The following TUFT1 variants were observed in gnomAD, a reference collection of about 807,000 sequenced individuals.
The protein encoded by TUFT1 is tuftelin.
In TUFT1, 43 loss-of-function variants were observed where a neutral mutation model predicts 57.8. The ratio of observed to expected loss-of-function variants is 0.74; its 90% CI spans 0.58 to 0.96. The LOEUF (loss-of-function observed/expected upper bound fraction) is 0.96, where lower values mean the gene tolerates loss of function less well. Ranked by LOEUF, TUFT1 falls within the 40% of genes least tolerant of loss-of-function variation. TUFT1 has a pLI of 0.00. For synonymous variants in TUFT1, 166 were observed against 176.7 expected (o/e 0.94, Z 0.48); for missense variants, 459 against 489.0 (o/e 0.94, Z 0.58).
intron 1 of TUFT1, among the ~76,000 whole-genome samples, chr1:151,554,486 G>A (rs1158370708): frequency 2.0e-5 from 3 of 152,244 alleles, no homozygotes; most frequent in African/African-American, 4.8e-5. Flanking sequence ...TGCAACCTCT[G>A]CCTCCCGGGT....
At chr1:151,570,561 C>T (rs374341561) in intron 7 of TUFT1, among the ~76,000 whole-genome samples, 2 of 151,892 alleles carry the variant, frequency 1.3e-5, no homozygotes, top group East Asian at 1.9e-4. Flanking sequence ...ATTACAGGCA[C>T]GAGCCACCAT....
chr1:151,563,366 A>G (rs973142370), intron 3 of TUFT1, among the ~76,000 whole-genome samples: 3 of 152,154 alleles, frequency 2.0e-5, no homozygotes, highest in African/African-American at 7.2e-5. Flanking sequence ...CGTAGACAAC[A>G]GTGGTCCCAT....
chr1:151,562,253 G>T, intron 2 of TUFT1, 88 bp downstream of exon 2: 2 of 1,205,496 alleles, frequency 1.7e-6, no homozygotes, highest in South Asian at 1.3e-5. Flanking sequence ...GCCTGGAGCC[G>T]ACTCTGGTGA....
intron 7 of TUFT1, among the ~76,000 whole-genome samples, chr1:151,570,192 G>A (rs1353103583): frequency 1.3e-5 from 2 of 152,188 alleles, no homozygotes; most frequent in African/African-American, 4.8e-5. Flanking sequence ...AACGTGGACT[G>A]GATGAGTGAC....
chr1:151,560,011 G>C (rs936426608), intron 1 of TUFT1, among the ~76,000 whole-genome samples: 25 of 151,426 alleles, frequency 1.7e-4, no homozygotes, highest in African/African-American at 5.8e-4. Flanking sequence ...GGCCAGGCTG[G>C]TCTCGAACTC....
chr1:151,582,295 TG>T lies in TUFT1; in HGVS notation c.*590del, dbSNP rs1666668263. 2.3e-6 allele frequency: 1 copy of T among 442,942 alleles called. No homozygotes were observed. The highest frequency in any genetic ancestry group is 4.5e-6 in the Non-Finnish European group (1 of 220,130). 27.4% of individuals were successfully genotyped at this position (442,942 alleles called of 1,614,324 possible). A position where few individuals can be genotyped will look rare whatever the true frequency, so the allele number is the denominator to read the frequency against. ...CCAGTGAACCTAAGCTTTGACTGGG[TG>T]GCCTTGTCTTTCTGGGGAGGAGGGA... On this transcript the variant is annotated 3_prime_UTR_variant, in exon 13 of 13. Coordinates refer to ENST00000368849, the MANE Select transcript of TUFT1 (RefSeq NM_020127.3).
intron 3 of TUFT1, among the ~76,000 whole-genome samples, chr1:151,563,126 C>A (rs908522676): frequency 6.6e-6 from 1 of 152,160 alleles, no homozygotes; most frequent in Non-Finnish European, 1.5e-5. Context: ...CTCGAGCAAT[C>A]GTCCTGTCTC....
At chr1:151,549,168 G>T (rs1571687606) in intron 1 of TUFT1, among the ~76,000 whole-genome samples, 1 of 152,146 alleles carries the variant, frequency 6.6e-6, no homozygotes, top group South Asian at 2.1e-4. Context: ...AGAGAAGAAG[G>T]CTCCACTTCT....
chr1:151,561,048 C>T (rs532431814), intron 1 of TUFT1, among the ~76,000 whole-genome samples: 39 of 151,194 alleles, frequency 2.6e-4, no homozygotes, highest in African/African-American at 9.3e-4. Context: ...GGCTGGAGTG[C>T]AGTGGCACAA....
In TUFT1 at chr1:151,574,363, G is replaced by C. The variant is rs766167963; in HGVS notation, c.688G>C (p.Gly230Arg). The C allele has an allele frequency of 6.2e-7, 1 of 1,614,032 alleles. No individual in the cohort carries two copies. Residue 230 changes from glycine to arginine, a missense_variant, in exon 8 of 13, where the codon GGA (glycine) becomes CGA (arginine). Transcript: ENST00000368849. ...DRVEQKEAEVGELQRRLLGME... is the reference protein window; with the variant it reads ...DRVEQKEAEVRELQRRLLGME... ...AGTGGAGCAGAAAGAGGCAGAAGTC[G>C]GAGAGCTGCAGAGGCGCTTGCTAGG...
intron 1 of TUFT1, among the ~76,000 whole-genome samples, chr1:151,548,075 AG>A (rs1374831397): frequency 1.3e-5 from 2 of 152,310 alleles, no homozygotes; most frequent in East Asian, 3.9e-4. Flanking sequence ...TACTCCACAA[AG>A]GGCCATCTCT....
intron 3 of TUFT1, among the ~76,000 whole-genome samples, chr1:151,563,666 T>C (rs1468938311): frequency 2.6e-5 from 4 of 152,238 alleles, no homozygotes; most frequent in Non-Finnish European, 4.4e-5. Flanking sequence ...TGAGTGTTTA[T>C]GCCAATACAG....
intron 11 of TUFT1, among the ~76,000 whole-genome samples, chr1:151,580,272 CAG>C (rs1666605940): frequency 6.6e-6 from 1 of 152,126 alleles, no homozygotes; most frequent in Non-Finnish European, 1.5e-5. Context: ...AGTCTATAGT[CAG>C]AGATAAAATG....
chr1:151,573,448 C>T (rs1666336311), intron 7 of TUFT1, among the ~76,000 whole-genome samples: 2 of 152,188 alleles, frequency 1.3e-5, no homozygotes, highest in Admixed American at 6.5e-5. Context: ...CTTCTATCCT[C>T]TAAATTGGTT....
At chr1:151,557,927 AG>A in intron 1 of TUFT1, 1 of 681,426 alleles carries the variant, frequency 1.5e-6, no homozygotes, top group South Asian at 1.4e-5. Flanking sequence ...GGATGTGGTC[AG>A]CCACCTCAGT....
At chr1:151,565,873 A>G in intron 5 of TUFT1, 1 of 297,596 alleles carries the variant, frequency 3.4e-6, no homozygotes, top group Non-Finnish European at 6.5e-6. Context: ...CAAGACTTTC[A>G]AGGCCCTTTC....
rs1055207054 is a variant in TUFT1 at position 151,574,308 on chromosome 1, T to C, written c.633T>C (p.Ser211=). ...GGTACCAGAGGGAAGCAGAACAAAG[T>C]AATGTGGCCCTTCAGAGAGAGGAGG... ...LSRYQREAEQ[S]NVALQREEDR... Residue 211 remains serine, a synonymous_variant, in exon 8 of 13, where the codon AGT becomes AGC. Transcript: ENST00000368849. 1 of 1,614,078 alleles carries C rather than the reference T, an allele frequency of 6.2e-7. No individual in the cohort carries two copies. The highest frequency in any genetic ancestry group is 1.1e-5 in the South Asian group (1 of 91,078).
rs371889842 is a variant in TUFT1 at position 151,562,038 on chromosome 1, AC to A, written c.61-51del. 1.1e-3 allele frequency: 1,771 copies of A among 1,579,942 alleles called. 18 individuals carry two copies. In the African/African-American group the frequency reaches 0.02, roughly 18 times the overall value. On this transcript the variant is annotated intron_variant, in intron 1 of 12. Coordinates refer to ENST00000368849, the MANE Select transcript of TUFT1 (RefSeq NM_020127.3). ...CACCCCTGTACTGGTAGCAGTTTGTACCTGTAGACTGTAAAGTTGAGGGGTT... is the reference window on the plus strand; with the variant it reads ...CACCCCTGTACTGGTAGCAGTTTGTACTGTAGACTGTAAAGTTGAGGGGTT...
chr1:151,557,742 A>G (rs544633980), intron 1 of TUFT1: 3 of 780,646 alleles, frequency 3.8e-6, no homozygotes, highest in East Asian at 4.9e-5. Context: ...CCGTCCAGAG[A>G]CTGGAAGTCC....
Sources: allele counts gnomAD v4.1 joint callset (sites outside exome capture counted in the v4.1 genomes callset), GRCh38; gene constraint gnomAD v4.1.1; transcripts MANE v1.5; gene names NCBI Gene and HGNC (gene_info 2026-07-23, HGNC 2026-07-21).